The following ZNF275 variants were observed in gnomAD, a reference collection of about 807,000 sequenced individuals.
ZNF275 encodes zinc finger protein 275.
In ZNF275, 4 loss-of-function variants were observed where a neutral mutation model predicts 4.3. The observed-to-expected ratio is 0.93, with a 90% confidence interval of 0.46 to 2.13. The LOEUF (loss-of-function observed/expected upper bound fraction) is 2.13. Ranked by LOEUF, ZNF275 falls within the 30% of genes most tolerant of loss-of-function variation. ZNF275 has a pLI of 0.02. For synonymous variants in ZNF275, 173 were observed against 166.9 expected, an observed-to-expected ratio of 1.04 and a Z score of -0.28; for missense variants, 352 against 397.1, an observed-to-expected ratio of 0.89 and a Z score of 0.97.
rs1556962318 is a variant in ZNF275, at chrX:153,351,397, T to C, written c.*3422T>C. On this transcript the variant is annotated 3_prime_UTR_variant, in exon 4 of 4. Transcript: ENST00000650114. ...CCTGTCACATATCCTTGTCTGTGCA[T>C]TCATGCATCTACCTCATTCCGGTTT... The C allele has an allele frequency of 8.1e-6, 1 of 123,114 alleles. No individual in the cohort carries two copies. Among genetic ancestry groups the C allele is most frequent in the Non-Finnish European group, 1.9e-5 (1 of 53,301 alleles). The allele number at this position is 123,114 out of a possible 1,213,427, so 10.1% of individuals were successfully genotyped here.
At chrX:153,343,120 A>G (rs1556961155) in intron 2 of ZNF275, among the ~76,000 whole-genome samples, 1 of 112,892 alleles carries the variant, frequency 8.9e-6, no homozygotes, top group East Asian at 2.8e-4. Flanking sequence ...CTTGTTTCAC[A>G]TATATTTTCT....
At chrX:153,336,069 G>T (rs781949865) in intron 1 of ZNF275, among the ~76,000 whole-genome samples, 46 of 112,376 alleles carry the variant, frequency 4.1e-4, no homozygotes, top group African/African-American at 1.4e-3. Flanking sequence ...AATCTTCTTG[G>T]AGAAATGGGA....
chrX:153,334,992 T>C (rs1348171529), intron 1 of ZNF275, among the ~76,000 whole-genome samples: 1 of 111,292 alleles, frequency 9.0e-6, no homozygotes, highest in Non-Finnish European at 1.9e-5. Context: ...GCCCTCTGTC[T>C]GAACCAGTCT....
chrX:153,339,368 A>G (rs1198659605), intron 2 of ZNF275, among the ~76,000 whole-genome samples: 1 of 111,571 alleles, frequency 9.0e-6, no homozygotes, highest in Admixed American at 9.5e-5. Flanking sequence ...TAAGGAGGTG[A>G]CATTAGAGTT....
chrX:153,343,406 G>A (rs782735946), intron 2 of ZNF275: 6 of 354,147 alleles, frequency 1.7e-5, no homozygotes, highest in East Asian at 1.6e-4. Flanking sequence ...TGTGATGCAC[G>A]GATGCCGGTG....
intron 2 of ZNF275, among the ~76,000 whole-genome samples, chrX:153,339,551 G>A (rs189224937): frequency 3.6e-5 from 4 of 110,812 alleles, no homozygotes; most frequent in East Asian, 5.7e-4. Flanking sequence ...ATGGTGGCAC[G>A]CAGCTGTAGT....
intron 2 of ZNF275, among the ~76,000 whole-genome samples, chrX:153,340,384 G>A (rs782775506): frequency 1.8e-5 from 2 of 112,073 alleles, no homozygotes; most frequent in South Asian, 3.7e-4. Context: ...TTCATGGACC[G>A]CCCATAGATT....
chrX:153,346,932 G>C lies in ZNF275; in HGVS notation c.247G>C (p.Gly83Arg). 8.3e-7 allele frequency: 1 copy of C among 1,211,610 alleles called. No homozygotes were observed. Residue 83 changes from glycine (G) to arginine (R), a missense_variant, in exon 4 of 4, where the codon GGG becomes CGG. Gly to Arg is a moderately radical substitution (Grantham distance 125, BLOSUM62 -2). Coordinates refer to ENST00000650114, the MANE Select transcript of ZNF275 (RefSeq NM_001367757.1). ...SGPSPEFRQH[G>R]DSDGKRGSPQ... ...TCCCAGTCCTGAATTCAGACAGCAC[G>C]GGGACTCTGACGGGAAGAGAGGGAG...
chrX:153,335,017 A>T (rs1313579468), intron 1 of ZNF275, among the ~76,000 whole-genome samples: 2 of 110,927 alleles, frequency 1.8e-5, no homozygotes, highest in Non-Finnish European at 3.8e-5. Context: ...CTGTCGCCCT[A>T]CTGGGGGCCG....
chrX:153,346,759 G>T lies in ZNF275; in HGVS notation c.134-60G>T, dbSNP rs781819660. On this transcript the variant is annotated intron_variant, in intron 3 of 3. Transcript: ENST00000650114. ...AGAAAGAAAAAGATTCTTGACAAAG[G>T]AGAGGCCCTTCCCTCCTTCATCCTC... 6.4e-5 allele frequency: 69 copies of T among 1,082,186 alleles called. No individual in the cohort carries two copies. The South Asian group carries it at 1.4e-3, about 22-fold the overall frequency. The allele number at this position is 1,082,186 out of a possible 1,213,427, so 89.2% of individuals were successfully genotyped here. A position where few individuals can be genotyped will look rare whatever the true frequency, so the allele number is the denominator to read the frequency against.
chrX:153,337,910 C>T (rs782751785), intron 2 of ZNF275, among the ~76,000 whole-genome samples: 1 of 112,125 alleles, frequency 8.9e-6, no homozygotes, highest in South Asian at 3.8e-4. Context: ...TGTAGGAGTG[C>T]ACCCTATGAG....
intron 2 of ZNF275, chrX:153,344,586 C>A: frequency 2.7e-6 from 1 of 371,044 alleles, no homozygotes; most frequent in South Asian, 2.4e-5. Context: ...CAGACCCTCA[C>A]CTCTTGACCC....
At chrX:153,346,751 T>C (rs1258171330) in intron 3 of ZNF275, 68 bp from the exon 4 acceptor site, 3 of 1,066,917 alleles carry the variant, frequency 2.8e-6, no homozygotes, top group Admixed American at 3.3e-5. Flanking sequence ...AAAAGATTCT[T>C]GACAAAGGAG....
rs1212345957 is a variant in ZNF275, at chrX:153,352,244, A to G, written c.*4269A>G. On this transcript the variant is annotated 3_prime_UTR_variant, in exon 4 of 4. Coordinates refer to ENST00000650114, the MANE Select transcript of ZNF275 (RefSeq NM_001367757.1). ...CTTGAGTGGGTCTCTACTCTTTTCT[A>G]TTGTGTTTTGCCACTTGGCTGCTTC... The G allele has an allele frequency of 3.6e-5, 4 of 111,180 alleles. No individual in the cohort carries two copies. Among genetic ancestry groups the G allele is most frequent in the Non-Finnish European group, 5.7e-5 (3 of 52,943 alleles). 9.2% of individuals were successfully genotyped at this position (111,180 alleles called of 1,213,427 possible).
Position 153,348,949 on chromosome X carries a change from C to A in ZNF275, c.*974C>A, listed in dbSNP as rs1165697894. On this transcript the variant is annotated 3_prime_UTR_variant, in exon 4 of 4. Transcript: ENST00000650114. ...CTTAAACCATTTCAATTTGGTGTCCCCTATACATATCCAAAACTAGCATCG... is the reference window on the plus strand; with the variant it reads ...CTTAAACCATTTCAATTTGGTGTCCACTATACATATCCAAAACTAGCATCG... 8.1e-6 allele frequency: 1 copy of A among 122,919 alleles called. No homozygotes were observed. The highest frequency in any genetic ancestry group is 1.9e-5 in the Non-Finnish European group (1 of 53,147). The allele number at this position is 122,919 out of a possible 1,213,427, so 10.1% of individuals were successfully genotyped here. A position where few individuals can be genotyped will look rare whatever the true frequency, so the allele number is the denominator to read the frequency against.
At chrX:153,339,148 G>A (rs782303197) in intron 2 of ZNF275, among the ~76,000 whole-genome samples, 1 of 110,793 alleles carries the variant, frequency 9.0e-6, no homozygotes, top group Non-Finnish European at 1.9e-5. Context: ...CAGTCACCCC[G>A]CAATTTATCA....
At position 153,352,484 on chromosome X, in the gene ZNF275, G is replaced by A. The variant is rs1258045219; in HGVS notation, c.*4509G>A. 3 of 112,036 alleles carry A rather than the reference G, an allele frequency of 2.7e-5. No individual in the cohort carries two copies. Among genetic ancestry groups the A allele is most frequent in the East Asian group, 5.6e-4 (2 of 3,595 alleles). The allele number at this position is 112,036 out of a possible 1,213,427, so 9.2% of individuals were successfully genotyped here. A position where few individuals can be genotyped will look rare whatever the true frequency, so the allele number is the denominator to read the frequency against. The stretch of plus-strand genomic sequence containing the variant: ...TTCTCTTATTTTTGAAGTGTTTCAC[G>A]ATTTCCAGCATGTCCATCAGATGGG... On this transcript the variant is annotated 3_prime_UTR_variant, in exon 4 of 4. Coordinates refer to ENST00000650114, the MANE Select transcript of ZNF275 (RefSeq NM_001367757.1).
intron 2 of ZNF275, among the ~76,000 whole-genome samples, chrX:153,338,189 T>G (rs1439070257): frequency 2.7e-5 from 3 of 111,678 alleles, no homozygotes; most frequent in Non-Finnish European, 5.6e-5. Flanking sequence ...CGATTGTCTC[T>G]AGGATTGATG....
At chrX:153,337,049 C>A (rs922247231) in intron 2 of ZNF275, among the ~76,000 whole-genome samples, 1 of 111,479 alleles carries the variant, frequency 9.0e-6, no homozygotes, top group Admixed American at 9.5e-5. Flanking sequence ...TAGAACTGAG[C>A]AGAACACAAG....
Sources: gnomAD v4.1 joint callset for allele counts (sites outside exome capture counted in the v4.1 genomes callset) on GRCh38, gnomAD v4.1.1 for gene constraint, MANE v1.5 for transcripts, NCBI Gene and HGNC (gene_info 2026-07-23, HGNC 2026-07-21) for gene names.